The following CFAP251 variants were observed in gnomAD, a reference collection of about 807,000 sequenced individuals.
CFAP251 encodes the protein cilia and flagella associated protein 251.
In CFAP251, 93 loss-of-function variants were observed where a neutral mutation model predicts 126.7. That is an observed-to-expected ratio of 0.73 (90% confidence interval 0.62 to 0.87). The LOEUF (loss-of-function observed/expected upper bound fraction) is 0.87, where lower values mean the gene tolerates loss of function less well. Among genes scored for constraint, CFAP251 ranks in the 40% least tolerant of loss-of-function variants. CFAP251 has a pLI of 0.00. For missense variants in CFAP251, 1,287 were observed against 1,389.2 expected (o/e 0.93, Z 1.17); for synonymous variants, 503 against 506.9 (o/e 0.99, Z 0.10).
intron 3 of CFAP251, 102 bp downstream of exon 3, chr12:121,924,092 A>G: frequency 7.4e-7 from 1 of 1,343,614 alleles, no homozygotes; most frequent in South Asian, 1.5e-5. Flanking sequence ...CCAGAAGGAT[A>G]CTTTTTAAAC....
chr12:121,954,055 G>T, intron 9 of CFAP251, 65 bp from the exon 10 acceptor site: 2 of 1,324,820 alleles, frequency 1.5e-6, no homozygotes, highest in Non-Finnish European at 1.1e-6. Context: ...ATAAAATATC[G>T]TATTGATAAA....
intron 19 of CFAP251, among the ~76,000 whole-genome samples, chr12:121,982,131 C>T (rs1180219363): frequency 2.0e-5 from 3 of 151,994 alleles, no homozygotes; most frequent in Non-Finnish European, 4.4e-5. Flanking sequence ...TTTATATTTT[C>T]TTGATTTTCT....
At chr12:121,986,096 A>G (rs948606014) in intron 19 of CFAP251, among the ~76,000 whole-genome samples, 1 of 152,070 alleles carries the variant, frequency 6.6e-6, no homozygotes, top group Non-Finnish European at 1.5e-5. Flanking sequence ...GATTCAAGCA[A>G]TTCTTCTGTC....
intron 8 of CFAP251, chr12:121,950,058 A>C (rs1881465835): frequency 6.6e-6 from 1 of 152,262 alleles, no homozygotes; most frequent in African/African-American, 2.4e-5. Context: ...TATTTGTAAT[A>C]ACCAAAAGGT....
At position 121,923,856 on chromosome 12, in the gene CFAP251, A is replaced by T; in HGVS notation, c.613A>T (p.Asn205Tyr). 3 of 1,614,192 alleles carry T rather than the reference A, an allele frequency of 1.9e-6. No homozygotes were observed. The highest frequency in any genetic ancestry group is 2.5e-6 in the Non-Finnish European group (3 of 1,180,048). ...GQERRDLEPE[N>Y]REEGQERRVS... is the part of the protein sequence containing the mutation. Reference sequence around the variant, plus strand: ...AGAAAGAAGGGACTTGGAGCCAGAAAACAGAGAGGAGGGACAAGAAAGGAG... The same window carrying T: ...AGAAAGAAGGGACTTGGAGCCAGAATACAGAGAGGAGGGACAAGAAAGGAG... Residue 205 changes from asparagine (N) to tyrosine (Y), a missense_variant, in exon 3 of 22, where the codon AAC becomes TAC. Physicochemically the swap from Asn to Tyr is moderately radical, Grantham distance 143 (BLOSUM62 -2). Transcript: ENST00000288912.
intron 17 of CFAP251, chr12:121,971,708 ACATT>A (rs1302400907): frequency 7.8e-5 from 53 of 683,756 alleles, no homozygotes; most frequent in Non-Finnish European, 1.3e-4. Flanking sequence ...ACCTTAACAA[ACATT>A]CATTACAGGA....
intron 17 of CFAP251, among the ~76,000 whole-genome samples, chr12:121,970,900 A>G (rs983702744): frequency 1.3e-5 from 2 of 152,130 alleles, no homozygotes; most frequent in African/African-American, 2.4e-5. Flanking sequence ...CCACAGAGAG[A>G]GGGAGTCTCT....
rs1418674814 is a variant in CFAP251 at position 121,974,107 on chromosome 12, T to C, written c.2772-1137T>C. Among the ~76,000 whole-genome samples, 1 of 152,072 alleles carries C rather than the reference T, an allele frequency of 6.6e-6. No homozygotes were observed. The highest frequency in any genetic ancestry group is 2.4e-5 in the African/African-American group (1 of 41,416). On this transcript the variant is annotated intron_variant, in intron 17 of 21. Transcript: ENST00000288912. The surrounding 1 kb of genome is among the most constrained non-coding windows in gnomAD (Gnocchi z 4.6). ...GGAGATGGTTGGATTGTGGGGGCAG[T>C]TTCCCCCATGCTGTTCCCATGGTAG...
intron 21 of CFAP251, 38 bp from the exon 22 acceptor site, chr12:122,003,614 C>G (rs1555221572): frequency 6.6e-6 from 10 of 1,520,172 alleles, no homozygotes; most frequent in Non-Finnish European, 9.1e-6. Context: ...ACATAATCAT[C>G]ATGAAGGCAT....
intron 7 of CFAP251, among the ~76,000 whole-genome samples, chr12:121,945,354 T>G (rs895507401): frequency 2.0e-5 from 3 of 151,776 alleles, no homozygotes; most frequent in East Asian, 3.9e-4. Flanking sequence ...TTTCTTTTCT[T>G]TTTTTTTGAG....
chr12:121,953,585 A>G (rs988816509), intron 9 of CFAP251: 9 of 152,544 alleles, frequency 5.9e-5, no homozygotes, highest in African/African-American at 2.2e-4. Context: ...ACTAATCATT[A>G]TTTTACTATT....
At chr12:121,923,593 G>A (rs749639040) in intron 2 of CFAP251, 29 bp from the exon 3 acceptor site, 1 of 1,579,942 alleles carries the variant, frequency 6.3e-7, no homozygotes, top group Non-Finnish European at 8.6e-7. Context: ...AGCACATATG[G>A]AATCATGATA....
At chr12:121,946,747 A>AT (rs1356735476) in intron 7 of CFAP251, among the ~76,000 whole-genome samples, 195 of 142,522 alleles carry the variant, frequency 1.4e-3, no homozygotes, top group East Asian at 2.0e-3. Flanking sequence ...CACCTGGCTA[A>AT]TTTTTTTTTT....
At chr12:122,001,326 G>T (rs1883143581) in intron 20 of CFAP251, among the ~76,000 whole-genome samples, 171 bp from the exon 21 acceptor site, 1 of 151,878 alleles carries the variant, frequency 6.6e-6, no homozygotes, top group Non-Finnish European at 1.5e-5. Context: ...CAAGTGCTGG[G>T]ATTACAGGCA....
At chr12:122,002,987 A>T (rs919597233) in intron 21 of CFAP251, among the ~76,000 whole-genome samples, 15 of 151,900 alleles carry the variant, frequency 9.9e-5, no homozygotes, top group Non-Finnish European at 1.8e-4. Flanking sequence ...AGCTCTCCCT[A>T]CCCCATTCCT....
chr12:121,956,447 T>C (rs1881730435), intron 10 of CFAP251, among the ~76,000 whole-genome samples: 2 of 152,204 alleles, frequency 1.3e-5, no homozygotes, highest in Non-Finnish European at 2.9e-5. Flanking sequence ...GGTATAAGTA[T>C]GTCCCATGCA....
At chr12:121,990,816 G>A (rs1240240165) in intron 19 of CFAP251, among the ~76,000 whole-genome samples, 2 of 152,204 alleles carry the variant, frequency 1.3e-5, no homozygotes, top group African/African-American at 4.8e-5. Flanking sequence ...AGTTTTTAAA[G>A]CCCCAGGCAG....
At chr12:121,981,724 G>A (rs372453908) in intron 19 of CFAP251, among the ~76,000 whole-genome samples, 2 of 152,212 alleles carry the variant, frequency 1.3e-5, no homozygotes, top group African/African-American at 2.4e-5. Context: ...TGGGTGAGGA[G>A]TATTCCGGCA....
At position 121,945,458 on chromosome 12, in the gene CFAP251, C is replaced by G. The variant is rs536703637; in HGVS notation, c.1191+2483C>G. Reference sequence around the variant, plus strand: ...TCCTGGGTTCAAGCGATTCTCCTGCCTCAACCTCCTGGGTAGCTGGGACTA... The same window carrying G: ...TCCTGGGTTCAAGCGATTCTCCTGCGTCAACCTCCTGGGTAGCTGGGACTA... On this transcript the variant is annotated intron_variant, in intron 7 of 21. Transcript: ENST00000288912. Among the ~76,000 whole-genome samples, 3 of 151,862 alleles carry G rather than the reference C, an allele frequency of 2.0e-5. No homozygotes were observed. The East Asian group carries it at 5.8e-4, about 29-fold the overall frequency.
Sources: allele counts gnomAD v4.1 joint callset (sites outside exome capture counted in the v4.1 genomes callset), GRCh38; gene constraint gnomAD v4.1.1; non-coding constraint Gnocchi (gnomAD v3.1); transcripts MANE v1.5; gene names NCBI Gene and HGNC (gene_info 2026-07-23, HGNC 2026-07-21).